Variants in FAAH2 observed in about 807,000 individuals in gnomAD.
FAAH2 encodes the protein fatty acid amide hydrolase 2.
A neutral mutation model predicts 36.9 loss-of-function variants in FAAH2; 60 were observed. That is an observed-to-expected ratio of 1.63 (90% CI 1.32 to 2.02). The LOEUF (loss-of-function observed/expected upper bound fraction) is 2.02, where lower values mean the gene tolerates loss of function less well. Among genes scored for constraint, FAAH2 ranks in the 30% most tolerant of loss-of-function variants. The pLI, the probability that FAAH2 is intolerant of heterozygous loss-of-function variation, is 0.00. For missense variants in FAAH2, 689 were observed against 397.5 expected (o/e 1.73, Z -6.23); for synonymous variants, 214 against 143.8 (o/e 1.49, Z -3.49).
At chrX:57,189,205 G>A in the FAAH2 span, among the ~76,000 whole-genome samples, 1 of 110,580 alleles carries the variant, frequency 9.0e-6, no homozygotes, top group Non-Finnish European at 1.9e-5. Context: ...TAGGCTTCAT[G>A]ACATTCTTGT....
At chrX:57,139,696 C>T in the FAAH2 span, among the ~76,000 whole-genome samples, 2 of 111,272 alleles carry the variant, frequency 1.8e-5, no homozygotes, top group Admixed American at 9.6e-5. Context: ...CCTCGTGATC[C>T]GCCCGCCTTG....
At chrX:57,455,305 C>A (rs749836962) in intron 10 of FAAH2, among the ~76,000 whole-genome samples, 6 of 110,983 alleles carry the variant, frequency 5.4e-5, no homozygotes, top group Non-Finnish European at 7.6e-5. Context: ...TAAGAGAGTG[C>A]TAAATATGAA....
the FAAH2 span, among the ~76,000 whole-genome samples, chrX:57,203,138 A>G: frequency 8.0e-5 from 9 of 112,042 alleles, no homozygotes; most frequent in Non-Finnish European, 1.7e-4. Flanking sequence ...TTCAGAGCTG[A>G]GAGCCCTGAA....
At chrX:57,423,201 A>G (rs1210357472) in intron 7 of FAAH2, among the ~76,000 whole-genome samples, 1 of 112,102 alleles carries the variant, frequency 8.9e-6, no homozygotes, top group Non-Finnish European at 1.9e-5. Context: ...CTCATAGAGA[A>G]CTGCACGGAA....
chrX:57,346,572 G>A (rs1403904638), intron 5 of FAAH2, among the ~76,000 whole-genome samples: 2 of 111,786 alleles, frequency 1.8e-5, no homozygotes, highest in Admixed American at 1.9e-4. Context: ...TTGGTGTTTA[G>A]ACCATTTACA....
intron 10 of FAAH2, among the ~76,000 whole-genome samples, chrX:57,449,736 G>T (rs773405613): frequency 1.8e-5 from 2 of 110,380 alleles, no homozygotes; most frequent in South Asian, 7.8e-4. Flanking sequence ...GCACAAGCTC[G>T]GCTCACTGCA....
chrX:57,480,159 T>G (rs2057353846), intron 10 of FAAH2, among the ~76,000 whole-genome samples: 1 of 111,285 alleles, frequency 9.0e-6, no homozygotes, highest in South Asian at 3.8e-4. Flanking sequence ...CCAGATGGTT[T>G]CACAGCCGAA....
At chrX:57,394,711 C>T in intron 7 of FAAH2, 4 of 877,969 alleles carry the variant, frequency 4.6e-6, no homozygotes, top group Non-Finnish European at 6.7e-6. Context: ...ATAATTGATT[C>T]CACAGTTGAT....
At chrX:57,234,036 T>C in the FAAH2 span, among the ~76,000 whole-genome samples, 1 of 113,035 alleles carries the variant, frequency 8.8e-6, no homozygotes, top group Non-Finnish European at 1.9e-5. Flanking sequence ...ATTTGAACTT[T>C]GGATAATGAA....
chrX:57,329,982 C>T (rs1475145836), intron 3 of FAAH2, among the ~76,000 whole-genome samples: 1 of 111,732 alleles, frequency 8.9e-6, no homozygotes, highest in Non-Finnish European at 1.9e-5. Flanking sequence ...TTAATCCTGT[C>T]ATCTCACAAG....
chrX:57,264,750 C>T, the FAAH2 span, among the ~76,000 whole-genome samples: 1 of 112,207 alleles, frequency 8.9e-6, no homozygotes, highest in African/African-American at 3.2e-5. Flanking sequence ...CATTGCAGGA[C>T]TATTCACAAT....
chrX:57,184,832 A>G, the FAAH2 span, among the ~76,000 whole-genome samples: 1 of 112,312 alleles, frequency 8.9e-6, no homozygotes, highest in African/African-American at 3.2e-5. Context: ...AAGGTTTTCC[A>G]AGTGTCTTTT....
chrX:57,260,340 T>G, the FAAH2 span, among the ~76,000 whole-genome samples: 1 of 111,743 alleles, frequency 8.9e-6, no homozygotes, highest in East Asian at 2.8e-4. Flanking sequence ...AATGGTAATA[T>G]TTTCAACAAA....
chrX:57,204,629 T>A, the FAAH2 span, among the ~76,000 whole-genome samples: 2 of 112,308 alleles, frequency 1.8e-5, no homozygotes, highest in Admixed American at 9.5e-5. Context: ...ATTTCCCAAC[T>A]TTTTGTTATC....
intron 2 of FAAH2, among the ~76,000 whole-genome samples, chrX:57,300,487 A>T (rs2052320244): frequency 1.8e-5 from 2 of 112,354 alleles, no homozygotes; most frequent in South Asian, 7.3e-4. Flanking sequence ...TACATGTCAG[A>T]CCTAAAACCA....
At chrX:57,389,481 T>C (rs1375636249) in intron 7 of FAAH2, among the ~76,000 whole-genome samples, 1 of 108,995 alleles carries the variant, frequency 9.2e-6, no homozygotes, top group Non-Finnish European at 1.9e-5. Context: ...AACATTTGTT[T>C]TTCTGTGTCT....
chrX:57,243,318 C>T, the FAAH2 span, among the ~76,000 whole-genome samples: 17 of 111,751 alleles, frequency 1.5e-4, no homozygotes, highest in East Asian at 5.7e-4. Context: ...TGGCTGTGGG[C>T]GCAACTTCAG....
intron 7 of FAAH2, among the ~76,000 whole-genome samples, chrX:57,409,656 C>T (rs962710853): frequency 7.2e-5 from 8 of 110,745 alleles, no homozygotes; most frequent in African/African-American, 2.6e-4. Flanking sequence ...TAGGAATTTA[C>T]TTATTTCTTA....
intron 2 of FAAH2, among the ~76,000 whole-genome samples, chrX:57,297,416 T>C (rs1175855096): frequency 9.1e-6 from 1 of 110,487 alleles, no homozygotes; most frequent in Admixed American, 9.7e-5. Context: ...GAGATTTTGT[T>C]ACCACCAGGC....
Sources: gnomAD v4.1 joint callset for allele counts (sites outside exome capture counted in the v4.1 genomes callset) on GRCh38, gnomAD v4.1.1 for gene constraint, MANE v1.5 for transcripts, NCBI Gene and HGNC (gene_info 2026-07-23, HGNC 2026-07-21) for gene names.